Variants in PCDH11X observed in about 807,000 individuals in gnomAD.
PCDH11X encodes the protein protocadherin 11 X-linked.
A neutral mutation model predicts 53.3 loss-of-function variants in PCDH11X; 18 were observed. The observed-to-expected ratio is 0.34, with a 90% CI of 0.23 to 0.50. The LOEUF (loss-of-function observed/expected upper bound fraction) is 0.50. PCDH11X is among the 20% of genes least tolerant of loss of function. The pLI is 0.98. For synonymous variants in PCDH11X, 279 were observed against 393.3 expected, an observed-to-expected ratio of 0.71 and a Z score of 3.44; for missense variants, 570 against 1,032.4, an observed-to-expected ratio of 0.55 and a Z score of 6.14.
intron 6 of PCDH11X, among the ~76,000 whole-genome samples, chrX:92,110,180 G>A (rs184702649): frequency 4.2e-4 from 47 of 111,551 alleles, no homozygotes; most frequent in Non-Finnish European, 7.9e-4. Context: ...GAAGGTCTAC[G>A]AAAGTTCCAG....
chrX:91,818,621 C>T (rs2107248), intron 4 of PCDH11X, among the ~76,000 whole-genome samples: 1 of 109,816 alleles, frequency 9.1e-6, no homozygotes, highest in African/African-American at 3.3e-5. Context: ...AGGAGAATCT[C>T]TTGAACCTGG....
chrX:91,898,276 C>T (rs182829618), intron 6 of PCDH11X, among the ~76,000 whole-genome samples: 1,202 of 107,714 alleles, frequency 0.011, 18 homozygotes, highest in African/African-American at 0.035. Flanking sequence ...TTGCCCCAGC[C>T]GAATTTAGCC....
chrX:92,344,534 C>A (rs2069842378), intron 8 of PCDH11X, among the ~76,000 whole-genome samples: 1 of 105,010 alleles, frequency 9.5e-6, no homozygotes, highest in Admixed American at 1.1e-4. Context: ...TAGTGCTAAC[C>A]ACTTGTAAAA....
At chrX:92,128,491 G>A (rs559542391) in intron 6 of PCDH11X, among the ~76,000 whole-genome samples, 2 of 107,093 alleles carry the variant, frequency 1.9e-5, no homozygotes, top group African/African-American at 3.4e-5. Context: ...TCTGCCTCCC[G>A]GGTTCAAGTG....
intron 9 of PCDH11X, among the ~76,000 whole-genome samples, chrX:92,464,664 T>A (rs1397168537): frequency 9.0e-6 from 1 of 111,277 alleles, no homozygotes; most frequent in Middle Eastern, 4.2e-3. Context: ...TGATTCGAGC[T>A]TCACTATTTT....
chrX:92,114,867 T>C (rs1218063677), intron 6 of PCDH11X, among the ~76,000 whole-genome samples: 2 of 110,779 alleles, frequency 1.8e-5, no homozygotes, highest in Non-Finnish European at 3.8e-5. Context: ...AGTCTTGCTC[T>C]GTCGTCCAGG....
intron 7 of PCDH11X, among the ~76,000 whole-genome samples, chrX:92,245,438 A>G (rs1289127721): frequency 1.8e-5 from 2 of 112,673 alleles, no homozygotes. Flanking sequence ...ACAAAATTAT[A>G]CAATGATACC....
intron 4 of PCDH11X, among the ~76,000 whole-genome samples, chrX:91,825,083 TCAGA>T (rs1870533933): frequency 9.0e-6 from 1 of 111,261 alleles, no homozygotes; most frequent in African/African-American, 3.3e-5. Flanking sequence ...TTCAAAGCTG[TCAGA>T]CAGGGACATT....
At position 92,170,127 on chromosome X, in the gene PCDH11X, C is replaced by T. The variant is rs139174040; in HGVS notation, c.3034-31248C>T. Among the ~76,000 whole-genome samples the T allele has an allele frequency of 3.2e-3, 353 of 110,778 alleles. 1 individual carries two copies. The highest frequency in any genetic ancestry group is 5.3e-3 in the Non-Finnish European group (282 of 52,944). On this transcript the variant is annotated intron_variant, in intron 6 of 10. Coordinates refer to ENST00000682573, the MANE Select transcript of PCDH11X (RefSeq NM_032968.5). ...AAATACTTCTCTCTATTTTTCATTA[C>T]CATAAGCCTACAAACCCCCTCAAAT...
intron 6 of PCDH11X, among the ~76,000 whole-genome samples, chrX:92,134,671 A>G (rs2065055185): frequency 1.8e-5 from 2 of 111,061 alleles, no homozygotes; most frequent in African/African-American, 6.5e-5. Flanking sequence ...AGACATTTTT[A>G]TGGTAATTTC....
At chrX:92,506,336 T>C (rs1360007226) in intron 10 of PCDH11X, among the ~76,000 whole-genome samples, 6 of 103,261 alleles carry the variant, frequency 5.8e-5, no homozygotes, top group Admixed American at 1.1e-4. Flanking sequence ...GGAACACTTT[T>C]AGCTTTTGCT....
At chrX:91,868,713 G>A (rs1422901236) in intron 5 of PCDH11X, among the ~76,000 whole-genome samples, 1 of 111,408 alleles carries the variant, frequency 9.0e-6, no homozygotes, top group Non-Finnish European at 1.9e-5. Context: ...AATCAGTTAG[G>A]TTTACAGCAG....
chrX:92,081,258 C>T (rs1459962468), intron 6 of PCDH11X, among the ~76,000 whole-genome samples: 2 of 110,072 alleles, frequency 1.8e-5, no homozygotes, highest in Middle Eastern at 4.7e-3. Flanking sequence ...GAAGAGTCCC[C>T]CTCATATTAA....
At chrX:92,520,656 C>T (rs770103516) in intron 10 of PCDH11X, among the ~76,000 whole-genome samples, 9 of 109,286 alleles carry the variant, frequency 8.2e-5, no homozygotes, top group African/African-American at 2.3e-4. Flanking sequence ...TCTGCTGCAT[C>T]AATTGACTCT....
At chrX:92,118,544 T>C (rs2064684962) in intron 6 of PCDH11X, among the ~76,000 whole-genome samples, 1 of 109,334 alleles carries the variant, frequency 9.1e-6, no homozygotes, top group Non-Finnish European at 1.9e-5. Context: ...CCCCTCCACT[T>C]CTAGGAAGTC....
At chrX:91,998,669 ATTC>A (rs2062459029) in intron 6 of PCDH11X, among the ~76,000 whole-genome samples, 4 of 110,711 alleles carry the variant, frequency 3.6e-5, no homozygotes. Context: ...TCTATGATAT[ATTC>A]TACCATGTTG....
At chrX:92,338,028 G>A (rs1398170121) in intron 8 of PCDH11X, among the ~76,000 whole-genome samples, 1 of 111,249 alleles carries the variant, frequency 9.0e-6, no homozygotes, top group Admixed American at 9.6e-5. Flanking sequence ...GGTAGTGAGA[G>A]GGTTGGGGGG....
chrX:92,026,227 G>T (rs749127986), intron 6 of PCDH11X, among the ~76,000 whole-genome samples: 1 of 110,923 alleles, frequency 9.0e-6, no homozygotes, highest in Non-Finnish European at 1.9e-5. Context: ...GAAGGACAAT[G>T]TTTTGTGATA....
At chrX:92,010,330 T>C (rs1036422548) in intron 6 of PCDH11X, among the ~76,000 whole-genome samples, 1 of 109,918 alleles carries the variant, frequency 9.1e-6, no homozygotes, top group Non-Finnish European at 1.9e-5. Flanking sequence ...TGGACCTTCA[T>C]ATTTTGAACA....
Sources: gnomAD v4.1 joint callset for allele counts (sites outside exome capture counted in the v4.1 genomes callset) on GRCh38, gnomAD v4.1.1 for gene constraint, MANE v1.5 for transcripts, NCBI Gene and HGNC (gene_info 2026-07-23, HGNC 2026-07-21) for gene names.